The following PCDH15 variants were observed in gnomAD, a reference collection of about 807,000 sequenced individuals.
The protein encoded by PCDH15 is protocadherin-15.
A neutral mutation model predicts 178.5 loss-of-function variants in PCDH15; 129 were observed. The observed-to-expected ratio is 0.72, with a 90% CI of 0.63 to 0.84. The LOEUF (loss-of-function observed/expected upper bound fraction) is 0.84, where lower values mean the gene tolerates loss of function less well. PCDH15 is among the 40% of genes least tolerant of loss of function. The pLI is 0.00. For synonymous variants in PCDH15, 800 were observed against 732.0 expected (o/e 1.09, Z -1.50); for missense variants, 2,230 against 2,099.9 (o/e 1.06, Z -1.21).
chr10:55,533,072 C>G (rs557781857), intron 2 of PCDH15, among the ~76,000 whole-genome samples: 1 of 138,682 alleles, frequency 7.2e-6, no homozygotes, highest in South Asian at 2.3e-4. Flanking sequence ...AAAAGTAAAA[C>G]GTCCCTCAAA....
At chr10:54,383,675 T>C (rs1949545601) in intron 3 of PCDH15, among the ~76,000 whole-genome samples, 3 of 142,360 alleles carry the variant, frequency 2.1e-5, no homozygotes, top group African/African-American at 7.7e-5. Context: ...TTCAACATAA[T>C]GATTAAAGTG....
chr10:55,238,497 T>C (rs1234983608), intron 1 of PCDH15, among the ~76,000 whole-genome samples: 3 of 152,072 alleles, frequency 2.0e-5, no homozygotes, highest in Admixed American at 2.0e-4. Flanking sequence ...GAAAATTAAG[T>C]GCTAATTAGT....
chr10:54,600,962 A>G (rs2092497537), intron 2 of PCDH15, among the ~76,000 whole-genome samples: 1 of 152,036 alleles, frequency 6.6e-6, no homozygotes, highest in Admixed American at 6.6e-5. Flanking sequence ...TATTATGTAA[A>G]GTACCAACTG....
intron 1 of PCDH15, among the ~76,000 whole-genome samples, chr10:55,184,418 A>G (rs953724199): frequency 6.6e-6 from 1 of 151,980 alleles, no homozygotes; most frequent in African/African-American, 2.4e-5. Flanking sequence ...ATTTATTTTT[A>G]AGCCATAAAC....
chr10:54,135,597 A>G (rs1358453069), intron 14 of PCDH15, among the ~76,000 whole-genome samples: 1 of 152,162 alleles, frequency 6.6e-6, no homozygotes, highest in East Asian at 1.9e-4. Flanking sequence ...ATTTTCCCTG[A>G]TATTACCCTT....
Position 54,622,569 on chromosome 10 carries a change from GTA to G in PCDH15, c.91+41601_91+41602del, listed in dbSNP as rs896266424. 3.7e-3 allele frequency among the ~76,000 whole-genome samples: 142 copies of G among 38,084 alleles called. 2 individuals carry two copies. The East Asian group carries it at 0.084, about 22-fold the overall frequency. The allele number at this position is 38,084 out of a possible 152,430, so 25.0% of individuals were successfully genotyped here. On this transcript the variant is annotated intron_variant, in intron 2 of 37. Coordinates refer to ENST00000644397, the MANE Select transcript of PCDH15 (RefSeq NM_001384140.1). ...TGTCAAACATCATTGTAACCTGTGT[GTA>G]TATATATATATAATATATATAATAT...
In PCDH15 at chr10:54,909,337, G is replaced by T. The variant is rs1176760466; in HGVS notation, c.-79-11837C>A. ...GCCCAGGTTATTAATGCCAAGGGGT[G>T]CCTGCAGGCCAGTGCAGAGCTTTCC... On this transcript the variant is annotated intron_variant, in intron 2 of 5. Transcript: ENST00000458638. Among the ~76,000 whole-genome samples, 3 of 152,108 alleles carry T rather than the reference G, an allele frequency of 2.0e-5. No individual in the cohort carries two copies. In the East Asian group the frequency reaches 5.8e-4, roughly 30 times the overall value.
intron 27 of PCDH15, among the ~76,000 whole-genome samples, chr10:53,861,753 G>A (rs2079119756): frequency 6.6e-6 from 1 of 151,892 alleles, no homozygotes. Context: ...TATACTTATA[G>A]TACATCTCCG....
chr10:53,926,809 C>T (rs1460451594), intron 25 of PCDH15, among the ~76,000 whole-genome samples: 2 of 151,924 alleles, frequency 1.3e-5, no homozygotes, highest in Non-Finnish European at 2.9e-5. Context: ...GTCTATGTCT[C>T]TTGTATATCA....
intron 1 of PCDH15, among the ~76,000 whole-genome samples, chr10:54,740,091 G>A (rs1641490769): frequency 6.6e-6 from 1 of 151,998 alleles, no homozygotes; most frequent in South Asian, 2.1e-4. Flanking sequence ...ACAAAGTGAG[G>A]AGACAGTCCA....
At chr10:55,190,454 C>T (rs759439379) in intron 1 of PCDH15, among the ~76,000 whole-genome samples, 15 of 151,626 alleles carry the variant, frequency 9.9e-5, no homozygotes, top group Non-Finnish European at 2.1e-4. Flanking sequence ...GCAGTTTGAA[C>T]GGTATCTGAC....
intron 2 of PCDH15, among the ~76,000 whole-genome samples, chr10:54,937,519 T>A (rs980449691): frequency 1.3e-5 from 2 of 152,014 alleles, no homozygotes; most frequent in Non-Finnish European, 2.9e-5. Flanking sequence ...TCGCCGTGTC[T>A]AAGACTTTCA....
chr10:55,070,470 G>A (rs551209526), intron 2 of PCDH15, among the ~76,000 whole-genome samples: 1 of 152,210 alleles, frequency 6.6e-6, no homozygotes, highest in Admixed American at 6.6e-5. Context: ...GTGTAAGGAA[G>A]GGATCCAGTT....
In PCDH15 at chr10:54,686,635, T is replaced by C. The variant is rs779363975; in HGVS notation, c.-28-22345A>G. Among the ~76,000 whole-genome samples the C allele has an allele frequency of 8.5e-5, 13 of 152,294 alleles. No individual in the cohort carries two copies. The East Asian group carries it at 2.5e-3, about 29-fold the overall frequency. On this transcript the variant is annotated intron_variant, in intron 1 of 37. Transcript: ENST00000644397. ...TACCATTCTTTTTTATATTCTTATC[T>C]ATTTTTCCACCACCATGTGTTGATT...
chr10:53,901,179 C>A (rs938463959), intron 26 of PCDH15, among the ~76,000 whole-genome samples: 5 of 151,902 alleles, frequency 3.3e-5, no homozygotes, highest in Non-Finnish European at 5.9e-5. Flanking sequence ...TTTGTCAAAC[C>A]CATTTTCAGG....
At chr10:53,984,924 A>T (rs571430378) in intron 21 of PCDH15, among the ~76,000 whole-genome samples, 1 of 152,310 alleles carries the variant, frequency 6.6e-6, no homozygotes, top group African/African-American at 2.4e-5. Context: ...ACAGACATGA[A>T]GAACTGTGAC....
intron 1 of PCDH15, among the ~76,000 whole-genome samples, chr10:55,281,583 AT>A: frequency 6.6e-6 from 1 of 151,780 alleles, no homozygotes; most frequent in Middle Eastern, 3.4e-3. Flanking sequence ...TTTAACTCTT[AT>A]TTTTTCACAG....
At chr10:54,381,725 A>G (rs1391513318) in intron 3 of PCDH15, among the ~76,000 whole-genome samples, 1 of 152,120 alleles carries the variant, frequency 6.6e-6, no homozygotes, top group Non-Finnish European at 1.5e-5. Flanking sequence ...GTCTTGCAGA[A>G]TAGGTAATAC....
chr10:53,821,623 A>AT, intron 32 of PCDH15: 21 of 1,255,090 alleles, frequency 1.7e-5, no homozygotes, highest in Non-Finnish European at 2.1e-5. Context: ...TTTTCAAATA[A>AT]ATGTAGAACA....
Sources: gnomAD v4.1 joint callset for allele counts (sites outside exome capture counted in the v4.1 genomes callset) on GRCh38, gnomAD v4.1.1 for gene constraint, MANE v1.5 for transcripts, NCBI Gene and HGNC (gene_info 2026-07-23, HGNC 2026-07-21) for gene names.